FRMD4B: variants seen among roughly 807,000 people sequenced by gnomAD.
FRMD4B encodes FERM domain containing 4B, also known as FERM domain-containing protein 4B.
Under a neutral mutation model 141.5 loss-of-function variants are expected in FRMD4B, and 74 were observed. That is an observed-to-expected ratio of 0.52 (90% CI 0.43 to 0.63). FRMD4B has a LOEUF of 0.63. FRMD4B is among the 30% of genes least tolerant of loss of function. The pLI is 0.00. For missense variants in FRMD4B, 1,366 were observed against 1,253.4 expected, an observed-to-expected ratio of 1.09 and a Z score of -1.36; for synonymous variants, 506 against 467.9, an observed-to-expected ratio of 1.08 and a Z score of -1.05.
rs2093214252 is a variant in FRMD4B, at chr3:69,223,200, G to C, written c.666-1277C>G. On this transcript the variant is annotated intron_variant, in intron 8 of 22. Transcript: ENST00000398540. ...ATCTCCATATGACTAGTTCTCATTA[G>C]TAATGTCTTTTTTTTTAATTAAAAA... Among the ~76,000 whole-genome samples, 3 of 152,146 alleles carry C rather than the reference G, an allele frequency of 2.0e-5. No homozygotes were observed. The South Asian group carries it at 6.2e-4, about 32-fold the overall frequency.
At chr3:69,263,016 T>C (rs2093537977) in intron 5 of FRMD4B, among the ~76,000 whole-genome samples, 1 of 151,860 alleles carries the variant, frequency 6.6e-6, no homozygotes, top group African/African-American at 2.4e-5. Flanking sequence ...CCCAGCACTT[T>C]GGGAGGCCAA....
chr3:69,179,739 T>C (rs1218080912), intron 21 of FRMD4B, among the ~76,000 whole-genome samples: 1 of 152,240 alleles, frequency 6.6e-6, no homozygotes, highest in Non-Finnish European at 1.5e-5. Context: ...ACAGGTTTTC[T>C]GGCAGTTTGA....
intron 2 of FRMD4B, among the ~76,000 whole-genome samples, chr3:69,414,642 T>C (rs747494356): frequency 2.6e-5 from 4 of 151,942 alleles, no homozygotes; most frequent in African/African-American, 4.8e-5. Flanking sequence ...TGCCATCAGG[T>C]TGACGTAAAG....
chr3:69,181,147 T>C lies in FRMD4B; in HGVS notation c.2603A>G (p.Asn868Ser), dbSNP rs777328436. 1 of 1,613,874 alleles carries C rather than the reference T, an allele frequency of 6.2e-7. No homozygotes were observed. Among genetic ancestry groups the C allele is most frequent in the Non-Finnish European group, 8.5e-7 (1 of 1,179,852 alleles). The change falls in exon 21 of 23, where the codon AAC becomes AGC. Residue 868 changes from asparagine (N) to serine (S), a missense_variant. By Grantham distance (46) the Asn-to-Ser change is conservative. Transcript: ENST00000398540. ...TGGCAGCCGGAGAGTTGCATATGGGTTATGGGGTACCCGGTCGACCTCATC... is the reference window on the plus strand; with the variant it reads ...TGGCAGCCGGAGAGTTGCATATGGGCTATGGGGTACCCGGTCGACCTCATC... ...HEDEVDRVPH[N>S]PYATLRLPRK...
chr3:69,433,256 G>A (rs932374541), intron 1 of FRMD4B: 5 of 152,096 alleles, frequency 3.3e-5, no homozygotes, highest in Non-Finnish European at 7.4e-5. Flanking sequence ...GAAATCTAGC[G>A]TGCATATCAC....
At chr3:69,185,168 G>A (rs1426683297) in intron 19 of FRMD4B, among the ~76,000 whole-genome samples, 1 of 151,940 alleles carries the variant, frequency 6.6e-6, no homozygotes, top group African/African-American at 2.4e-5. Flanking sequence ...AGGTGTGGTG[G>A]CAGGCACCTG....
At chr3:69,448,282 G>A (rs1343724248) in intron 1 of FRMD4B, among the ~76,000 whole-genome samples, 1 of 151,960 alleles carries the variant, frequency 6.6e-6, no homozygotes, top group Non-Finnish European at 1.5e-5. Context: ...CACCTGCCTC[G>A]GCCTCCCAAA....
intron 4 of FRMD4B, among the ~76,000 whole-genome samples, chr3:69,290,620 G>A (rs902933541): frequency 1.3e-5 from 2 of 152,140 alleles, no homozygotes; most frequent in African/African-American, 4.8e-5. Flanking sequence ...CTTCCAGTGG[G>A]CAGCCTAATT....
At chr3:69,474,063 T>C (rs539252484) in intron 1 of FRMD4B, among the ~76,000 whole-genome samples, 10 of 152,282 alleles carry the variant, frequency 6.6e-5, no homozygotes, top group African/African-American at 2.2e-4. Context: ...AAACTGCAAA[T>C]GCCCAAGGGA....
intron 3 of FRMD4B, among the ~76,000 whole-genome samples, chr3:69,308,065 T>C (rs1701451345): frequency 6.6e-6 from 1 of 152,330 alleles, no homozygotes; most frequent in African/African-American, 2.4e-5. Context: ...GATCCAATTT[T>C]AGTTACTCGT....
At chr3:69,504,885 C>G (rs1490108585) in intron 1 of FRMD4B, among the ~76,000 whole-genome samples, 1 of 152,216 alleles carries the variant, frequency 6.6e-6, no homozygotes, top group African/African-American at 2.4e-5. Context: ...TTATTTCTCA[C>G]TTGAGCACAC....
chr3:69,443,679 C>T (rs906141036), intron 1 of FRMD4B, among the ~76,000 whole-genome samples: 1 of 152,224 alleles, frequency 6.6e-6, no homozygotes, highest in Non-Finnish European at 1.5e-5. Context: ...CTTCCAGCAA[C>T]ACACACTTGC....
chr3:69,318,952 G>A (rs1701897307), intron 1 of FRMD4B, among the ~76,000 whole-genome samples: 2 of 152,130 alleles, frequency 1.3e-5, no homozygotes, highest in South Asian at 4.1e-4. Flanking sequence ...CAGGCTCCTG[G>A]GAGGTGTGAT....
chr3:69,238,657 C>T (rs2093362282), intron 7 of FRMD4B, among the ~76,000 whole-genome samples: 1 of 152,142 alleles, frequency 6.6e-6, no homozygotes, highest in Admixed American at 6.6e-5. Context: ...GGGGTACACA[C>T]CTGTAGTCCC....
chr3:69,427,077 G>A (rs1050404739), intron 2 of FRMD4B, among the ~76,000 whole-genome samples: 14 of 151,986 alleles, frequency 9.2e-5, no homozygotes, highest in African/African-American at 3.4e-4. Context: ...AGAAAATTAA[G>A]TTTTGTCAGT....
At chr3:69,474,661 T>C (rs1678534687) in intron 1 of FRMD4B, among the ~76,000 whole-genome samples, 1 of 152,066 alleles carries the variant, frequency 6.6e-6, no homozygotes, top group African/African-American at 2.4e-5. Context: ...TATGTTCCAA[T>C]ACCTTGATTG....
At chr3:69,277,831 T>C (rs1256155362) in intron 5 of FRMD4B, among the ~76,000 whole-genome samples, 1 of 144,286 alleles carries the variant, frequency 6.9e-6, no homozygotes, top group Non-Finnish European at 1.5e-5. Context: ...CGCCCGTCCA[T>C]TGAACAGCAT....
intron 1 of FRMD4B, among the ~76,000 whole-genome samples, chr3:69,357,175 T>C (rs1358009557): frequency 6.6e-6 from 1 of 152,076 alleles, no homozygotes; most frequent in Non-Finnish European, 1.5e-5. Context: ...ATTCCTGCAG[T>C]AGTAGGGTAT....
At chr3:69,279,258 C>A (rs1025986586) in intron 5 of FRMD4B, among the ~76,000 whole-genome samples, 4 of 152,182 alleles carry the variant, frequency 2.6e-5, no homozygotes, top group Non-Finnish European at 5.9e-5. Context: ...TGAAGACAGA[C>A]AAATACGGTT....
Sources: gnomAD v4.1 joint callset for allele counts (sites outside exome capture counted in the v4.1 genomes callset) on GRCh38, gnomAD v4.1.1 for gene constraint, MANE v1.5 for transcripts, NCBI Gene and HGNC (gene_info 2026-07-23, HGNC 2026-07-21) for gene names.